CASD1: variants seen among roughly 807,000 people sequenced by gnomAD.
The protein encoded by CASD1 is N-acetylneuraminate (7)9-O-acetyltransferase.
CASD1 carries 41 observed loss-of-function variants against 100.0 expected under a neutral mutation model. The observed-to-expected ratio is 0.41, with a 90% CI of 0.32 to 0.53. The LOEUF is 0.53. CASD1 is among the 20% of genes least tolerant of loss of function. CASD1 has a pLI of 0.25. For synonymous variants in CASD1, 321 were observed against 315.6 expected (o/e 1.02, Z -0.18); for missense variants, 774 against 948.7 (o/e 0.82, Z 2.42).
chr7:94,527,303 G>A (rs566770872), intron 4 of CASD1, 97 bp downstream of exon 4: 2 of 904,824 alleles, frequency 2.2e-6, no homozygotes, highest in East Asian at 2.5e-5. Flanking sequence ...ATTCTTGAGA[G>A]TAGATAAGAA....
intron 17 of CASD1, 55 bp from the exon 18 acceptor site, chr7:94,555,435 CTG>C (rs1796154681): frequency 9.2e-6 from 14 of 1,516,598 alleles, no homozygotes; most frequent in Non-Finnish European, 1.1e-5. Context: ...TTAGGGAAAA[CTG>C]TAATTTATTC....
chr7:94,601,729 C>T, the CASD1 span, among the ~76,000 whole-genome samples: 46 of 152,016 alleles, frequency 3.0e-4, no homozygotes, highest in Non-Finnish European at 5.1e-4. Context: ...TTGTTTTCTG[C>T]CAAGGAATTG....
At chr7:94,557,220 G>T (rs1289353073), downstream of CASD1, among the ~76,000 whole-genome samples, 1 of 152,016 alleles carries the variant, frequency 6.6e-6, no homozygotes, top group Non-Finnish European at 1.5e-5. Flanking sequence ...TTTGCTTGAA[G>T]ATTTTAAAAA....
At chr7:94,571,568 A>AG in the CASD1 span, among the ~76,000 whole-genome samples, 1 of 152,162 alleles carries the variant, frequency 6.6e-6, no homozygotes, top group Admixed American at 6.5e-5. Flanking sequence ...ACCTACATGA[A>AG]GGGAGGTTCT....
intron 12 of CASD1, among the ~76,000 whole-genome samples, chr7:94,546,147 GTCT>G (rs916605073): frequency 6.6e-6 from 1 of 151,820 alleles, no homozygotes; most frequent in East Asian, 1.9e-4. Context: ...CTTTGCAAAA[GTCT>G]TCTTATGTCA....
intron 7 of CASD1, 94 bp downstream of exon 7, chr7:94,533,896 T>A (rs1700286497): frequency 8.8e-7 from 1 of 1,132,810 alleles, no homozygotes. Context: ...ATTACTGCTT[T>A]ATGAGAATTA....
chr7:94,595,710 A>T, the CASD1 span, among the ~76,000 whole-genome samples: 4 of 152,144 alleles, frequency 2.6e-5, no homozygotes, highest in Admixed American at 2.6e-4. Flanking sequence ...TCTGGTAAAA[A>T]GTAAAAGTTG....
At position 94,536,047 on chromosome 7, in the gene CASD1, A is replaced by C. The variant is rs931790839; in HGVS notation, c.843+524A>C. 3.9e-5 allele frequency among the ~76,000 whole-genome samples: 6 copies of C among 152,300 alleles called. No homozygotes were observed. The South Asian group carries it at 1.0e-3, about 26-fold the overall frequency. On this transcript the variant is annotated intron_variant, in intron 8 of 17. Coordinates refer to ENST00000297273, the MANE Select transcript of CASD1 (RefSeq NM_022900.5). ...CACTTGAGGTCAGGAGTTCGAGACT[A>C]GCCTGGCTAACATGGGGAAACCCCA...
the CASD1 span, among the ~76,000 whole-genome samples, chr7:94,605,374 T>C: frequency 6.6e-6 from 1 of 152,176 alleles, no homozygotes; most frequent in Admixed American, 6.5e-5. Context: ...TAAGTGAAGA[T>C]AAAACCTTTT....
At chr7:94,528,930 T>C (rs1268243610) in intron 5 of CASD1, among the ~76,000 whole-genome samples, 2 of 152,138 alleles carry the variant, frequency 1.3e-5, no homozygotes, top group African/African-American at 4.8e-5. Flanking sequence ...TTAATTTCCC[T>C]GCAACAGTTT....
the CASD1 span, chr7:94,589,799 T>C: frequency 5.4e-6 from 1 of 184,130 alleles, no homozygotes; most frequent in Non-Finnish European, 1.1e-5. Context: ...AGCTGAGGGC[T>C]CCCACTGATT....
intron 11 of CASD1, among the ~76,000 whole-genome samples, chr7:94,545,020 A>G (rs567493347): frequency 6.6e-6 from 1 of 152,240 alleles, no homozygotes; most frequent in East Asian, 1.9e-4. Context: ...CAGCACTAGT[A>G]AAAATCTGCT....
rs184533049 is a variant in CASD1 at position 94,534,010 on chromosome 7, A to G, written c.628+208A>G. Among the ~76,000 whole-genome samples, 34 of 152,282 alleles carry G rather than the reference A, an allele frequency of 2.2e-4. No individual in the cohort carries two copies. The East Asian group carries it at 6.4e-3, about 28-fold the overall frequency. ...TAAATATAGGTGAAAAATAAAAAAT[A>G]TCCTCCAAGAAACCTCATGGCTATA... is the stretch of plus-strand genomic sequence containing the variant. On this transcript the variant is annotated intron_variant, in intron 7 of 17. Coordinates refer to ENST00000297273, the MANE Select transcript of CASD1 (RefSeq NM_022900.5).
Position 94,537,647 on chromosome 7 carries a change from A to G in CASD1, c.1019A>G (p.Lys340Arg), listed in dbSNP as rs1486371994. ...FYIIHRNAHR[K>R]NKPCTDLESG... Reference sequence around the variant, plus strand: ...ATAATTCATCGTAATGCTCATCGGAAGAATAAGCCGTGTACTGATTTGGAA... The same window carrying G: ...ATAATTCATCGTAATGCTCATCGGAGGAATAAGCCGTGTACTGATTTGGAA... The change falls in exon 9 of 18, where the codon AAG becomes AGG. Residue 340 changes from lysine (K) to arginine (R), a missense_variant. Physicochemically the swap from Lys to Arg is conservative, Grantham distance 26 (BLOSUM62 2). Transcript: ENST00000297273. 1 of 1,613,916 alleles carries G rather than the reference A, an allele frequency of 6.2e-7. No homozygotes were observed.
At chr7:94,624,568 C>T in the CASD1 span, 1 of 218,474 alleles carries the variant, frequency 4.6e-6, no homozygotes, top group Admixed American at 5.7e-5. Flanking sequence ...ATTAATTTCA[C>T]ACCGGACATT....
the CASD1 span, chr7:94,589,265 C>T: frequency 6.2e-6 from 1 of 161,582 alleles, no homozygotes; most frequent in African/African-American, 2.4e-5. Flanking sequence ...CATCCTTGTT[C>T]CTTCCCTCTC....
chr7:94,608,259 C>T, the CASD1 span, among the ~76,000 whole-genome samples: 1 of 152,146 alleles, frequency 6.6e-6, no homozygotes, highest in Admixed American at 6.5e-5. Flanking sequence ...GGGGTTGAAC[C>T]CAGGAGGCAG....
chr7:94,555,719 CCT>C lies in CASD1; in HGVS notation c.2357_2358del (p.Leu786HisfsTer8). The C allele has an allele frequency of 6.2e-7, 1 of 1,613,074 alleles. No individual in the cohort carries two copies. The highest frequency in any genetic ancestry group is 2.2e-5 in the East Asian group (1 of 44,836). ...ACIAAFFCGL[L>X]ILSSIQDKSK... ...GTATAGCTGCATTTTTTTGTGGACT[CCT>C]CATCTTATCATCCATTCAAGATAAA... On this transcript the variant is annotated frameshift_variant, in exon 18 of 18. Transcript: ENST00000297273. LOFTEE classifies it high-confidence loss of function.
the CASD1 span, among the ~76,000 whole-genome samples, chr7:94,577,433 C>T: frequency 2.0e-5 from 3 of 152,148 alleles, no homozygotes; most frequent in Admixed American, 2.0e-4. Context: ...TATTTTCTTA[C>T]ATGCCTTTGC....
Sources: gnomAD v4.1 joint callset for allele counts (sites outside exome capture counted in the v4.1 genomes callset) on GRCh38, gnomAD v4.1.1 for gene constraint, MANE v1.5 for transcripts, NCBI Gene and HGNC (gene_info 2026-07-23, HGNC 2026-07-21) for gene names.